ZDHHC14: variants seen among roughly 807,000 people sequenced by gnomAD.
ZDHHC14 encodes the protein zDHHC palmitoyltransferase 14, also known as palmitoyltransferase ZDHHC14.
Under a neutral mutation model 47.7 loss-of-function variants are expected in ZDHHC14, and 16 were observed. The observed-to-expected ratio is 0.34, with a 90% CI of 0.23 to 0.51. The LOEUF (loss-of-function observed/expected upper bound fraction) is 0.51, where lower values mean the gene tolerates loss of function less well. Ranked by LOEUF, ZDHHC14 falls within the 20% of genes least tolerant of loss-of-function variation. The pLI, the probability that ZDHHC14 is intolerant of heterozygous loss-of-function variation, is 0.97. For missense variants in ZDHHC14, 515 were observed against 662.5 expected, an observed-to-expected ratio of 0.78 and a Z score of 2.44; for synonymous variants, 293 against 278.9, an observed-to-expected ratio of 1.05 and a Z score of -0.50.
chr6:157,643,298 A>C (rs1777345381), intron 5 of ZDHHC14, among the ~76,000 whole-genome samples: 1 of 152,230 alleles, frequency 6.6e-6, no homozygotes, highest in Non-Finnish European at 1.5e-5. Context: ...TCATTTTGAC[A>C]CAGCTGCAAG....
At chr6:157,589,865 G>A (rs1248873003) in intron 2 of ZDHHC14, among the ~76,000 whole-genome samples, 2 of 152,158 alleles carry the variant, frequency 1.3e-5, no homozygotes, top group Non-Finnish European at 2.9e-5. Flanking sequence ...GAAGAAGATA[G>A]GAAGATGTGG....
intron 1 of ZDHHC14, among the ~76,000 whole-genome samples, chr6:157,402,878 C>G (rs1218324755): frequency 3.3e-5 from 5 of 152,116 alleles, no homozygotes; most frequent in Admixed American, 6.5e-5. Flanking sequence ...AGGTGTGCAC[C>G]AGCACACCTG....
chr6:157,480,229 G>T (rs1337980593), intron 1 of ZDHHC14, among the ~76,000 whole-genome samples: 2 of 149,254 alleles, frequency 1.3e-5, no homozygotes, highest in African/African-American at 4.9e-5. Context: ...TAGACTTTGG[G>T]TCAGGTTTTT....
chr6:157,641,482 T>C (rs188706080), intron 5 of ZDHHC14, among the ~76,000 whole-genome samples: 1 of 152,346 alleles, frequency 6.6e-6, no homozygotes, highest in African/African-American at 2.4e-5. Context: ...TTTATGTTCA[T>C]GGGCCTTATT....
intron 1 of ZDHHC14, among the ~76,000 whole-genome samples, chr6:157,458,848 G>GTTTTTTTTTTTTTTTTTTTTT (rs1778990291): frequency 1.5e-5 from 1 of 68,778 alleles, no homozygotes; most frequent in Non-Finnish European, 2.8e-5. Flanking sequence ...AATGTGGGTG[G>GTTTTTTTTTTTTTTTTTTTTT]ATTTTTTTTT....
At chr6:157,517,601 G>A (rs144315649) in intron 1 of ZDHHC14, among the ~76,000 whole-genome samples, 4,256 of 152,150 alleles carry the variant, frequency 0.028, 176 homozygotes, top group African/African-American at 0.097. Context: ...TTGAGCCACC[G>A]CGCCTGGCCT....
At chr6:157,503,001 T>G (rs982576566) in intron 1 of ZDHHC14, among the ~76,000 whole-genome samples, 7 of 152,238 alleles carry the variant, frequency 4.6e-5, no homozygotes, top group Non-Finnish European at 8.8e-5. Context: ...GTGTTTGTTT[T>G]TAAACTACAC....
chr6:157,528,727 A>T (rs1312997542), intron 1 of ZDHHC14, among the ~76,000 whole-genome samples: 1 of 151,930 alleles, frequency 6.6e-6, no homozygotes, highest in African/African-American at 2.4e-5. Flanking sequence ...GCAAGACTTC[A>T]TCTCAAAAAA....
chr6:157,658,077 G>A lies in ZDHHC14; in HGVS notation c.1068+4450G>A, dbSNP rs561609068. On this transcript the variant is annotated intron_variant, in intron 8 of 8. Transcript: ENST00000359775. Reference sequence around the variant, plus strand: ...AGAAGAAAAGTACTATTTAAGTGTCGGCTATTATTATTATCCCCCTGAGAC... The same window carrying A: ...AGAAGAAAAGTACTATTTAAGTGTCAGCTATTATTATTATCCCCCTGAGAC... Among the ~76,000 whole-genome samples the A allele has an allele frequency of 3.9e-5, 6 of 152,254 alleles. No individual in the cohort carries two copies. The South Asian group carries it at 8.3e-4, about 21-fold the overall frequency.
intron 3 of ZDHHC14, among the ~76,000 whole-genome samples, chr6:157,625,009 G>A (rs1016991160): frequency 6.6e-6 from 1 of 152,072 alleles, no homozygotes; most frequent in Non-Finnish European, 1.5e-5. Flanking sequence ...TGTGAGAGGC[G>A]GAGGGGGATC....
chr6:157,417,719 G>T (rs1034053465), intron 1 of ZDHHC14, among the ~76,000 whole-genome samples: 5 of 152,134 alleles, frequency 3.3e-5, no homozygotes, highest in African/African-American at 1.2e-4. Context: ...GGTGGCTCAC[G>T]CCTGTAATCC....
Position 157,647,311 on chromosome 6 carries a change from G to A in ZDHHC14, c.908G>A (p.Ser303Asn). Reference sequence around the variant, plus strand: ...GGTAAAGAAAATTACAATCCCTACAGCTACGGAAATATCTTTACCAACTGC... The same window carrying A: ...GGTAAAGAAAATTACAATCCCTACAACTACGGAAATATCTTTACCAACTGC... ...KRGKENYNPY[S>N]YGNIFTNCCV... is the part of the protein sequence containing the mutation. Residue 303 changes from serine (S) to asparagine (N), a missense_variant, in exon 7 of 9, where the codon AGC (serine) becomes AAC (asparagine). By Grantham distance (46) the Ser-to-Asn change is conservative (BLOSUM62 1). Transcript: ENST00000359775. 1 of 1,614,134 alleles carries A rather than the reference G, an allele frequency of 6.2e-7. No homozygotes were observed. Among genetic ancestry groups the A allele is most frequent in the Non-Finnish European group, 8.5e-7 (1 of 1,180,018 alleles).
At chr6:157,645,986 C>T (rs546150553) in intron 6 of ZDHHC14, 147 bp downstream of exon 6, 97 of 632,676 alleles carry the variant, frequency 1.5e-4, no homozygotes, top group African/African-American at 1.5e-3. Context: ...GCCGTGGAAA[C>T]TTCTCCACCT....
At chr6:157,617,024 G>A (rs1784994109) in intron 3 of ZDHHC14, among the ~76,000 whole-genome samples, 1 of 152,156 alleles carries the variant, frequency 6.6e-6, no homozygotes, top group Non-Finnish European at 1.5e-5. Flanking sequence ...GGAAAGCCAA[G>A]CACCATCGTG....
At chr6:157,555,088 CTCTT>C (rs1213005216) in intron 2 of ZDHHC14, among the ~76,000 whole-genome samples, 1 of 152,224 alleles carries the variant, frequency 6.6e-6, no homozygotes, top group Non-Finnish European at 1.5e-5. Flanking sequence ...CAGGGCCCCT[CTCTT>C]TCCCAGCTGT....
chr6:157,495,483 C>G (rs926631804), intron 1 of ZDHHC14, among the ~76,000 whole-genome samples: 2 of 152,116 alleles, frequency 1.3e-5, no homozygotes, highest in Non-Finnish European at 2.9e-5. Context: ...TGGCTGCTGC[C>G]TCTAAGGACG....
chr6:157,573,589 C>T (rs1281909088), intron 2 of ZDHHC14, among the ~76,000 whole-genome samples: 1 of 152,220 alleles, frequency 6.6e-6, no homozygotes, highest in South Asian at 2.1e-4. Context: ...CTACGCCCTT[C>T]ATGAAGGATC....
intron 2 of ZDHHC14, among the ~76,000 whole-genome samples, chr6:157,579,828 C>T (rs927513775): frequency 2.5e-4 from 38 of 152,102 alleles, no homozygotes; most frequent in Non-Finnish European, 5.0e-4. Context: ...TTATGTCATC[C>T]GCAAACAGGG....
intron 1 of ZDHHC14, among the ~76,000 whole-genome samples, chr6:157,385,690 A>G (rs938508245): frequency 6.6e-6 from 1 of 152,254 alleles, no homozygotes; most frequent in African/African-American, 2.4e-5. Context: ...TCAAAGACGA[A>G]GTGACAGAGG....
Sources: gnomAD v4.1 joint callset for allele counts (sites outside exome capture counted in the v4.1 genomes callset) on GRCh38, gnomAD v4.1.1 for gene constraint, MANE v1.5 for transcripts, NCBI Gene and HGNC (gene_info 2026-07-23, HGNC 2026-07-21) for gene names.